Variants in ARHGAP28 observed in about 807,000 individuals in gnomAD.
ARHGAP28 encodes the protein Rho GTPase activating protein 28.
In ARHGAP28, 56 loss-of-function variants were observed where a neutral mutation model predicts 90.7. That is an observed-to-expected ratio of 0.62 (90% CI 0.50 to 0.77). The LOEUF (loss-of-function observed/expected upper bound fraction) is 0.77. ARHGAP28 is among the 30% of genes least tolerant of loss of function. The pLI, the probability that ARHGAP28 is intolerant of heterozygous loss-of-function variation, is 0.00. For synonymous variants in ARHGAP28, 308 were observed against 323.3 expected (o/e 0.95, Z 0.51); for missense variants, 869 against 900.9 (o/e 0.96, Z 0.45).
chr18:6,889,894 A>G lies in ARHGAP28; in HGVS notation c.1543A>G (p.Met515Val). Residue 515 changes from methionine (M) to valine (V), a missense_variant, in exon 13 of 18, where the codon ATG (methionine) becomes GTG (valine). By Grantham distance (21) the Met-to-Val change is conservative. Coordinates refer to ENST00000383472, the MANE Select transcript of ARHGAP28 (RefSeq NM_001366230.1). ...DANRDAAQALMTFFNKVIANE... is the reference protein window; with the variant it reads ...DANRDAAQALVTFFNKVIANE... ...CAATGCTGTTTCTTCTTAGGCCCTC[A>G]TGACATTCTTCAATAAAGTGATTGC... is the stretch of plus-strand genomic sequence containing the variant. 2 of 1,613,992 alleles carry G rather than the reference A, an allele frequency of 1.2e-6. No individual in the cohort carries two copies. The highest frequency in any genetic ancestry group is 1.7e-6 in the Non-Finnish European group (2 of 1,179,990).
intron 1 of ARHGAP28, among the ~76,000 whole-genome samples, chr18:6,758,893 G>A (rs1200050443): frequency 6.6e-6 from 1 of 152,172 alleles, no homozygotes; most frequent in African/African-American, 2.4e-5. Context: ...GAATGGCATA[G>A]TACTGCTTTA....
intron 1 of ARHGAP28, among the ~76,000 whole-genome samples, chr18:6,737,427 C>T (rs1406341105): frequency 2.0e-5 from 3 of 152,082 alleles, no homozygotes; most frequent in African/African-American, 7.2e-5. Flanking sequence ...CTTCAGGCAG[C>T]TCTGAAAGTC....
At chr18:6,825,701 G>A (rs1440863731) in intron 2 of ARHGAP28, among the ~76,000 whole-genome samples, 1 of 152,136 alleles carries the variant, frequency 6.6e-6, no homozygotes, top group Admixed American at 6.5e-5. Flanking sequence ...GTGAGAACAT[G>A]CAGTATTTGG....
At chr18:6,878,341 G>C (rs2057149586) in intron 10 of ARHGAP28, among the ~76,000 whole-genome samples, 1 of 118,592 alleles carries the variant, frequency 8.4e-6, no homozygotes, top group Non-Finnish European at 1.6e-5. Flanking sequence ...TCTGGGGACT[G>C]TTGTGGGGTG....
intron 1 of ARHGAP28, among the ~76,000 whole-genome samples, chr18:6,810,092 T>A (rs1466625692): frequency 6.6e-6 from 1 of 152,176 alleles, no homozygotes; most frequent in Non-Finnish European, 1.5e-5. Flanking sequence ...TTTCAGCTGA[T>A]TGTTGAGAAA....
rs942713050 is a variant in ARHGAP28, at chr18:6,913,003, A to G, written c.*849A>G. On this transcript the variant is annotated 3_prime_UTR_variant, in exon 18 of 18. Transcript: ENST00000383472. ...GGCACGGGCTTCCTTTTCTGATCAA[A>G]CATACCATTTTTTATATTTCACAAC... The G allele has an allele frequency of 2.6e-5, 4 of 152,172 alleles. No individual in the cohort carries two copies. The highest frequency in any genetic ancestry group is 9.7e-5 in the African/African-American group (4 of 41,432). 9.4% of individuals were successfully genotyped at this position (152,172 alleles called of 1,614,324 possible). A position where few individuals can be genotyped will look rare whatever the true frequency, so the allele number is the denominator to read the frequency against.
At chr18:6,839,351 T>G (rs768559203) in intron 3 of ARHGAP28, among the ~76,000 whole-genome samples, 16 of 149,002 alleles carry the variant, frequency 1.1e-4, no homozygotes, top group Non-Finnish European at 1.8e-4. Context: ...TGGAGTGCAG[T>G]GGCGCAATCT....
Position 6,729,947 on chromosome 18 carries a change from C to T in ARHGAP28, c.122+4C>T. On this transcript the variant is annotated splice_donor_region_variant and intron_variant, in intron 1 of 17. Transcript: ENST00000383472. ...CAGCCAGCCACCCGCTCAGCAGGTA[C>T]CCGGAGCCGCTCCCACCAGGGCGGC... 2 of 1,361,480 alleles carry T rather than the reference C, an allele frequency of 1.5e-6. No homozygotes were observed. Among genetic ancestry groups the T allele is most frequent in the East Asian group, 3.1e-5 (1 of 32,294 alleles). The allele number at this position is 1,361,480 out of a possible 1,614,324, so 84.3% of individuals were successfully genotyped here. A position where few individuals can be genotyped will look rare whatever the true frequency, so the allele number is the denominator to read the frequency against.
At chr18:6,804,557 C>G (rs535469625) in intron 1 of ARHGAP28, among the ~76,000 whole-genome samples, 2 of 152,178 alleles carry the variant, frequency 1.3e-5, no homozygotes, top group African/African-American at 4.8e-5. Flanking sequence ...TTTAATGTTA[C>G]AAATTTCCCT....
At chr18:6,894,747 C>T in intron 14 of ARHGAP28, 88 bp from the exon 15 acceptor site, 1 of 1,051,018 alleles carries the variant, frequency 9.5e-7, no homozygotes. Flanking sequence ...CCAAAATGTT[C>T]TCCATAAAGA....
intron 2 of ARHGAP28, among the ~76,000 whole-genome samples, chr18:6,827,707 CGG>C (rs1484035494): frequency 1.3e-5 from 2 of 151,434 alleles, no homozygotes; most frequent in Non-Finnish European, 2.9e-5. Context: ...ACTTCCCAGA[CGG>C]TGTGGTTGCC....
At chr18:6,843,008 A>G (rs111996726) in intron 3 of ARHGAP28, among the ~76,000 whole-genome samples, 78 of 152,352 alleles carry the variant, frequency 5.1e-4, no homozygotes, top group African/African-American at 1.9e-3. Context: ...TTTAAAAGAC[A>G]TGTACATATG....
At position 6,833,746 on chromosome 18, in the gene ARHGAP28, G is replaced by A. The variant is rs61189556; in HGVS notation, c.326-3451G>A. Among the ~76,000 whole-genome samples the A allele has an allele frequency of 2.4e-3, 371 of 152,220 alleles. 1 individual carries two copies. The highest frequency in any genetic ancestry group is 8.6e-3 in the African/African-American group (358 of 41,552). On this transcript the variant is annotated intron_variant, in intron 2 of 17. Coordinates refer to ENST00000383472, the MANE Select transcript of ARHGAP28 (RefSeq NM_001366230.1). ...GATATATACATGCAAGGTTTCTCCA[G>A]TGTGAACTTAGTCATTTCATTTTTG... is the stretch of plus-strand genomic sequence containing the variant.
At chr18:6,783,456 C>T (rs182352909) in intron 1 of ARHGAP28, among the ~76,000 whole-genome samples, 2 of 144,108 alleles carry the variant, frequency 1.4e-5, no homozygotes, top group East Asian at 1.9e-4. Context: ...CATGTGCCAC[C>T]AGGCCTGGCT....
At chr18:6,740,185 A>C (rs1178307582) in intron 1 of ARHGAP28, among the ~76,000 whole-genome samples, 3 of 152,194 alleles carry the variant, frequency 2.0e-5, no homozygotes, top group African/African-American at 7.2e-5. Context: ...AACATTGAGA[A>C]ACCACACTTC....
intron 6 of ARHGAP28, among the ~76,000 whole-genome samples, chr18:6,869,164 GTAGT>G (rs1394357228): frequency 6.6e-6 from 1 of 151,762 alleles, no homozygotes; most frequent in Non-Finnish European, 1.5e-5. Flanking sequence ...AGATCCATAG[GTAGT>G]TAGAGTTCTA....
At chr18:6,856,002 G>A (rs573617885) in intron 4 of ARHGAP28, among the ~76,000 whole-genome samples, 1 of 152,344 alleles carries the variant, frequency 6.6e-6, no homozygotes, top group East Asian at 1.9e-4. Context: ...TGGGCCAGTA[G>A]CACAAGCCGA....
intron 5 of ARHGAP28, among the ~76,000 whole-genome samples, chr18:6,867,778 C>T (rs1339435810): frequency 5.3e-5 from 8 of 151,956 alleles, no homozygotes; most frequent in Non-Finnish European, 1.0e-4. Flanking sequence ...TTATAATTAT[C>T]GAATTATATG....
chr18:6,773,542 A>C (rs550706679), intron 1 of ARHGAP28, among the ~76,000 whole-genome samples: 1 of 152,186 alleles, frequency 6.6e-6, no homozygotes, highest in African/African-American at 2.4e-5. Flanking sequence ...GCCCAAAGAG[A>C]ATCTGTGAAT....
Sources: gnomAD v4.1 joint callset for allele counts (sites outside exome capture counted in the v4.1 genomes callset) on GRCh38, gnomAD v4.1.1 for gene constraint, MANE v1.5 for transcripts, NCBI Gene and HGNC (gene_info 2026-07-23, HGNC 2026-07-21) for gene names.